Variants in MFSD8 observed in about 807,000 individuals in gnomAD.
MFSD8 encodes major facilitator superfamily domain-containing protein 8.
MFSD8 carries 55 observed loss-of-function variants against 66.4 expected under a neutral mutation model. The observed-to-expected ratio is 0.83, with a 90% CI of 0.67 to 1.04. The LOEUF is 1.04. MFSD8 is among the 50% of genes least tolerant of loss of function. MFSD8 has a pLI of 0.00. For missense variants in MFSD8, 550 were observed against 627.6 expected (o/e 0.88, Z 1.32); for synonymous variants, 202 against 212.8 (o/e 0.95, Z 0.44).
intron 3 of MFSD8, among the ~76,000 whole-genome samples, chr4:127,948,706 G>A (rs1321680945): frequency 1.3e-5 from 2 of 152,078 alleles, no homozygotes; most frequent in African/African-American, 2.4e-5. Flanking sequence ...TGTATTAATG[G>A]GTTATCATGG....
chr4:127,964,589 G>A, intron 1 of MFSD8: 1 of 178,294 alleles, frequency 5.6e-6, no homozygotes, highest in Non-Finnish European at 1.2e-5. Context: ...CAAGCGCGGC[G>A]CGCAGCCCCG....
intron 7 of MFSD8, among the ~76,000 whole-genome samples, chr4:127,935,862 T>C (rs929755717): frequency 2.6e-5 from 4 of 152,186 alleles, no homozygotes; most frequent in African/African-American, 9.6e-5. Context: ...GGCTACTATA[T>C]TGGGCAGCAT....
At position 127,938,582 on chromosome 4, in the gene MFSD8, C is replaced by CA. The variant is rs1174151589; in HGVS notation, c.754+200dup. ...TGGGCGACAGAGCGAAACTCTGTCTCAAAAAAAAAAAAATAAATAAATAAA... is the reference window on the plus strand; with the variant it reads ...TGGGCGACAGAGCGAAACTCTGTCTCAAAAAAAAAAAAAATAAATAAATAAA... On this transcript the variant is annotated intron_variant, in intron 7 of 11. Transcript: ENST00000641686. Among the ~76,000 whole-genome samples, 1,587 of 110,426 alleles carry CA rather than the reference C, an allele frequency of 0.014. 41 individuals are homozygous for CA. The highest frequency in any genetic ancestry group is 0.033 in the African/African-American group (938 of 28,510). The allele number at this position is 110,426 out of a possible 152,430, so 72.4% of individuals were successfully genotyped here.
intron 3 of MFSD8, among the ~76,000 whole-genome samples, chr4:127,948,714 T>C (rs1384867893): frequency 6.6e-6 from 1 of 152,132 alleles, no homozygotes; most frequent in Admixed American, 6.5e-5. Context: ...TGGGTTATCA[T>C]GGAGTGGAAC....
intron 2 of MFSD8, among the ~76,000 whole-genome samples, chr4:127,951,355 G>A (rs553615772): frequency 2.0e-5 from 3 of 152,010 alleles, no homozygotes; most frequent in East Asian, 1.9e-4. Flanking sequence ...TCAGCCTCCC[G>A]AGCAGCTGGG....
chr4:127,963,689 A>G (rs1744258574), intron 1 of MFSD8, among the ~76,000 whole-genome samples: 1 of 152,200 alleles, frequency 6.6e-6, no homozygotes. Flanking sequence ...TACGGCTCAT[A>G]AAAGCCGTAT....
Position 127,965,062 on chromosome 4 carries a change from A to C in MFSD8, c.62+10T>G. 6.2e-7 allele frequency: 1 copy of C among 1,613,290 alleles called. No homozygotes were observed. The highest frequency in any genetic ancestry group is 8.5e-7 in the Non-Finnish European group (1 of 1,179,796). On this transcript the variant is annotated intron_variant, in intron 1 of 11. Transcript: ENST00000641686. ...GAGACTGAGGGGTCCCTCCACCAGGATCCGCTCACCTGCTTCCAGGTGTGT... is the reference window on the plus strand; with the variant it reads ...GAGACTGAGGGGTCCCTCCACCAGGCTCCGCTCACCTGCTTCCAGGTGTGT...
Position 127,939,884 on chromosome 4 carries a change from A to G in MFSD8, c.667T>C (p.Leu223=). The G allele has an allele frequency of 2.5e-6, 4 of 1,613,446 alleles. No homozygotes were observed. The highest frequency in any genetic ancestry group is 3.4e-6 in the Non-Finnish European group (4 of 1,179,614). Residue 223 remains leucine (L), a synonymous_variant, in exon 6 of 12, where the codon TTA becomes CTA. Transcript: ENST00000641686. ...ATGGCAAGGATCAGAATAATATTTAAAATTCCCAGGAAGGCGCTAAGTAAA... is the reference window on the plus strand; with the variant it reads ...ATGGCAAGGATCAGAATAATATTTAGAATTCCCAGGAAGGCGCTAAGTAAA... ...PVLLSAFLGI[L]NIILILAILR...
intron 8 of MFSD8, chr4:127,932,724 T>G: frequency 3.0e-6 from 1 of 329,034 alleles, no homozygotes. Flanking sequence ...GTATTTATCA[T>G]AAAACTCAGA....
intron 2 of MFSD8, among the ~76,000 whole-genome samples, chr4:127,952,644 C>T (rs547228923): frequency 2.2e-4 from 34 of 152,014 alleles, no homozygotes; most frequent in Non-Finnish European, 3.5e-4. Context: ...CTGCGGCAGG[C>T]AGATCATTTG....
At chr4:127,928,860 A>G (rs1737639893) in intron 9 of MFSD8, among the ~76,000 whole-genome samples, 1 of 152,192 alleles carries the variant, frequency 6.6e-6, no homozygotes, top group Non-Finnish European at 1.5e-5. Context: ...CAATGGATGA[A>G]TGGATAAATG....
chr4:127,965,482 C>T (rs1560794555), upstream of MFSD8: 1 of 418,080 alleles, frequency 2.4e-6, no homozygotes, highest in South Asian at 2.4e-5. Context: ...CATTTCGGTT[C>T]CTGGAAAGGT....
In MFSD8 at chr4:127,918,420, T is replaced by C. The variant is rs916996324; in HGVS notation, c.*2210A>G. 1 of 152,056 alleles carries C rather than the reference T, an allele frequency of 6.6e-6. No homozygotes were observed. The highest frequency in any genetic ancestry group is 1.5e-5 in the Non-Finnish European group (1 of 68,018). 9.4% of individuals were successfully genotyped at this position (152,056 alleles called of 1,614,324 possible). ...TAAAAAGGAAAGTAAGAGTCATTTG[T>C]GTAAGGTTAAGTTTATCTAAATTTT... On this transcript the variant is annotated 3_prime_UTR_variant, in exon 12 of 12. Coordinates refer to ENST00000641686, the MANE Select transcript of MFSD8 (RefSeq NM_001371596.2).
At chr4:127,939,525 A>T (rs763135391) in intron 6 of MFSD8, 1 of 182,512 alleles carries the variant, frequency 5.5e-6, no homozygotes, top group Non-Finnish European at 1.1e-5. Flanking sequence ...AGAATCCTTG[A>T]ATCCGGGAGA....
At chr4:127,952,569 C>A (rs1037023236) in intron 2 of MFSD8, among the ~76,000 whole-genome samples, 1 of 151,320 alleles carries the variant, frequency 6.6e-6, no homozygotes, top group Admixed American at 6.6e-5. Flanking sequence ...GTTTAACATG[C>A]CAATTAAAAT....
chr4:127,936,879 G>A (rs1372998335), intron 7 of MFSD8, among the ~76,000 whole-genome samples: 11 of 151,984 alleles, frequency 7.2e-5, no homozygotes, highest in African/African-American at 2.7e-4. Context: ...CCCCTTCCAA[G>A]TTCTGAAATA....
At chr4:127,943,217 CA>C (rs770669550) in intron 4 of MFSD8, among the ~76,000 whole-genome samples, 4,143 of 109,824 alleles carry the variant, frequency 0.038, 128 homozygotes, top group African/African-American at 0.12. Context: ...GACTCCGTTT[CA>C]AAAAAAAAAA....
chr4:127,962,967 A>C (rs1744049816), intron 1 of MFSD8, among the ~76,000 whole-genome samples: 1 of 152,214 alleles, frequency 6.6e-6, no homozygotes, highest in Admixed American at 6.5e-5. Context: ...TAGACAGCTG[A>C]AGTTTAACTG....
chr4:127,956,233 C>CGGT, intron 2 of MFSD8, among the ~76,000 whole-genome samples: 1 of 148,752 alleles, frequency 6.7e-6, no homozygotes, highest in East Asian at 2.1e-4. Context: ...TGGCCAGGTG[C>CGGT]GGTGGCTCAG....
Sources: gnomAD v4.1 joint callset for allele counts (sites outside exome capture counted in the v4.1 genomes callset) on GRCh38, gnomAD v4.1.1 for gene constraint, MANE v1.5 for transcripts, NCBI Gene and HGNC (gene_info 2026-07-23, HGNC 2026-07-21) for gene names.